The following ZBTB49 variants were observed in gnomAD, a reference collection of about 807,000 sequenced individuals.
ZBTB49 encodes the protein zinc finger and BTB domain-containing protein 49.
Under a neutral mutation model 57.5 loss-of-function variants are expected in ZBTB49, and 43 were observed. The ratio of observed to expected loss-of-function variants is 0.75; its 90% CI spans 0.59 to 0.97. The LOEUF is 0.97. Ranked by LOEUF, ZBTB49 falls within the 50% of genes least tolerant of loss-of-function variation. ZBTB49 has a pLI of 0.00. For missense variants in ZBTB49, 938 were observed against 947.7 expected (o/e 0.99, Z 0.13); for synonymous variants, 369 against 362.1 (o/e 1.02, Z -0.22).
At chr4:4,318,817 AAC>A (rs1484805408) in intron 7 of ZBTB49, among the ~76,000 whole-genome samples, 1 of 152,020 alleles carries the variant, frequency 6.6e-6, no homozygotes, top group Non-Finnish European at 1.5e-5. Context: ...TTGTGGACAA[AAC>A]ACAGACATGA....
At position 4,302,340 on chromosome 4, in the gene ZBTB49, A is replaced by G. The variant is rs1339743109; in HGVS notation, c.504A>G (p.Lys168=). The stretch of plus-strand genomic sequence containing the variant: ...GTTCAGCAGATGCACAGCAGAACAA[A>G]ACGTTGGATGAATCGCATCCGCATG... ...QECSADAQQN[K]TLDESHPHAS... The change falls in exon 3 of 8, where the codon AAA becomes AAG. Residue 168 remains lysine (K), a synonymous_variant. Transcript: ENST00000337872. The G allele has an allele frequency of 1.9e-6, 3 of 1,614,102 alleles. No homozygotes were observed. The highest frequency in any genetic ancestry group is 2.5e-6 in the Non-Finnish European group (3 of 1,180,038).
At chr4:4,291,770 A>G (rs577397670) in intron 1 of ZBTB49, among the ~76,000 whole-genome samples, 2 of 152,268 alleles carry the variant, frequency 1.3e-5, no homozygotes, top group African/African-American at 4.8e-5. Flanking sequence ...TTCAGCATAG[A>G]TGTGTCTTCC....
chr4:4,302,269 A>G lies in ZBTB49; in HGVS notation c.433A>G (p.Thr145Ala). Residue 145 changes from threonine (T) to alanine (A), a missense_variant, in exon 3 of 8, where the codon ACT (threonine) becomes GCT (alanine). Transcript: ENST00000337872. ...ACAAAGCACCCTGACCCCAGATGCC[A>G]CTTGTGTTATCAGTGAAAACTACCC... ...SLQSTLTPDA[T>A]CVISENYPPH... 1 of 1,614,174 alleles carries G rather than the reference A, an allele frequency of 6.2e-7. No individual in the cohort carries two copies. The highest frequency in any genetic ancestry group is 8.5e-7 in the Non-Finnish European group (1 of 1,179,988).
At chr4:4,316,512 C>T (rs1328561243) in intron 7 of ZBTB49, among the ~76,000 whole-genome samples, 1 of 152,114 alleles carries the variant, frequency 6.6e-6, no homozygotes, top group Non-Finnish European at 1.5e-5. Flanking sequence ...GTGATCACAG[C>T]GTTGGAGCCA....
chr4:4,310,727 G>T (rs758943474), intron 4 of ZBTB49, among the ~76,000 whole-genome samples: 31 of 148,912 alleles, frequency 2.1e-4, no homozygotes, highest in Non-Finnish European at 4.3e-4. Context: ...CACCATGTTA[G>T]CCAGGATGGT....
chr4:4,318,894 CTTT>C (rs113390733), intron 7 of ZBTB49, among the ~76,000 whole-genome samples: 5 of 130,934 alleles, frequency 3.8e-5, no homozygotes, highest in African/African-American at 5.7e-5. Flanking sequence ...TTTTTTTAAT[CTTT>C]TTTTTTTTTT....
intron 2 of ZBTB49, 99 bp downstream of exon 2, chr4:4,300,196 T>G: frequency 7.7e-7 from 1 of 1,300,392 alleles, no homozygotes; most frequent in Admixed American, 2.2e-5. Flanking sequence ...TTTCACTATC[T>G]TTATCTTTTA....
At chr4:4,310,811 G>A (rs1212495024) in intron 4 of ZBTB49, among the ~76,000 whole-genome samples, 1 of 151,894 alleles carries the variant, frequency 6.6e-6, no homozygotes, top group Non-Finnish European at 1.5e-5. Flanking sequence ...GAGCCACTGC[G>A]CCCGGCCTAC....
chr4:4,297,972 C>T (rs1720293038), intron 1 of ZBTB49, among the ~76,000 whole-genome samples: 1 of 152,204 alleles, frequency 6.6e-6, no homozygotes, highest in Non-Finnish European at 1.5e-5. Context: ...CCAGGCTCCC[C>T]TGTAGACTGA....
At chr4:4,293,658 A>G (rs545003230) in intron 1 of ZBTB49, among the ~76,000 whole-genome samples, 2 of 152,306 alleles carry the variant, frequency 1.3e-5, no homozygotes, top group Admixed American at 1.3e-4. Flanking sequence ...AAATTCTTCA[A>G]TTCTATGTGG....
At position 4,320,712 on chromosome 4, in the gene ZBTB49, G is replaced by A; in HGVS notation, c.1694G>A (p.Cys565Tyr). The change falls in exon 8 of 8, where the codon TGT becomes TAT. Residue 565 changes from cysteine (C) to tyrosine (Y), a missense_variant. Physicochemically the swap from Cys to Tyr is radical, Grantham distance 194 (BLOSUM62 -2). Coordinates refer to ENST00000337872, the MANE Select transcript of ZBTB49 (RefSeq NM_145291.4). ...RTHTGEKPYT[C>Y]EICNKCFTRS... ...CACACTGGGGAGAAGCCGTACACAT[G>A]TGAGATCTGTAACAAGTGCTTTACC... is the stretch of plus-strand genomic sequence containing the variant. The A allele has an allele frequency of 6.2e-7, 1 of 1,614,236 alleles. No homozygotes were observed. The highest frequency in any genetic ancestry group is 8.5e-7 in the Non-Finnish European group (1 of 1,180,050).
At chr4:4,315,780 C>T in intron 6 of ZBTB49, 29 bp from the exon 7 acceptor site, 1 of 1,613,792 alleles carries the variant, frequency 6.2e-7, no homozygotes, top group Non-Finnish European at 8.5e-7. Flanking sequence ...CTCTGTCCTT[C>T]AGCTTAACAC....
chr4:4,293,419 C>T (rs949654540), intron 1 of ZBTB49, among the ~76,000 whole-genome samples: 6 of 152,200 alleles, frequency 3.9e-5, no homozygotes, highest in African/African-American at 1.4e-4. Context: ...CAGCTGATTC[C>T]GATCAAAGGA....
intron 3 of ZBTB49, among the ~76,000 whole-genome samples, chr4:4,303,705 C>T (rs1241283523): frequency 7.1e-6 from 1 of 140,032 alleles, no homozygotes; most frequent in Admixed American, 7.2e-5. Flanking sequence ...TTTCTCTTTC[C>T]CAAAAGATTT....
chr4:4,291,319 C>A (rs1719897566), intron 1 of ZBTB49, among the ~76,000 whole-genome samples: 1 of 152,216 alleles, frequency 6.6e-6, no homozygotes, highest in Admixed American at 6.5e-5. Context: ...TGTGTCCTCG[C>A]ATGGTCTTTC....
intron 7 of ZBTB49, among the ~76,000 whole-genome samples, chr4:4,317,516 A>T (rs144916037): frequency 5.9e-5 from 9 of 151,740 alleles, no homozygotes; most frequent in Admixed American, 5.9e-4. Context: ...GCTGCCACTC[A>T]TCTAGGTTCT....
At chr4:4,305,815 C>T (rs1720710112) in intron 3 of ZBTB49, among the ~76,000 whole-genome samples, 1 of 152,196 alleles carries the variant, frequency 6.6e-6, no homozygotes, top group African/African-American at 2.4e-5. Context: ...CGGGATCGTG[C>T]TGTTCAGCAG....
intron 1 of ZBTB49, among the ~76,000 whole-genome samples, chr4:4,297,773 CAAAA>C (rs554296344): frequency 3.5e-5 from 4 of 115,674 alleles, no homozygotes; most frequent in African/African-American, 1.0e-4. Context: ...GATCCTGTTT[CAAAA>C]AAAAAAAAAA....
Position 4,321,447 on chromosome 4 carries a change from G to A in ZBTB49, c.*131G>A, listed in dbSNP as rs1329039537. On this transcript the variant is annotated 3_prime_UTR_variant, in exon 8 of 8. Coordinates refer to ENST00000337872, the MANE Select transcript of ZBTB49 (RefSeq NM_145291.4). The stretch of plus-strand genomic sequence containing the variant: ...GAGAATAGGTAGCTTCCCTCCTGAT[G>A]ATGGCTCATAATCTGAAGCATCTTG... 2 of 974,004 alleles carry A rather than the reference G, an allele frequency of 2.1e-6. No individual in the cohort carries two copies. Among genetic ancestry groups the A allele is most frequent in the Non-Finnish European group, 3.0e-6 (2 of 661,260 alleles). 60.3% of individuals were successfully genotyped at this position (974,004 alleles called of 1,614,324 possible).
Sources: allele counts gnomAD v4.1 joint callset (sites outside exome capture counted in the v4.1 genomes callset), GRCh38; gene constraint gnomAD v4.1.1; transcripts MANE v1.5; gene names NCBI Gene and HGNC (gene_info 2026-07-23, HGNC 2026-07-21).